Variants in PPP1R14C observed in about 807,000 individuals in gnomAD.
PPP1R14C encodes the protein protein phosphatase 1 regulatory inhibitor subunit 14C.
A neutral mutation model predicts 20.4 loss-of-function variants in PPP1R14C; 16 were observed. The observed-to-expected ratio is 0.78, with a 90% CI of 0.53 to 1.19. The LOEUF is 1.19. Among genes scored for constraint, PPP1R14C ranks in the 50% most tolerant of loss-of-function variants. The probability of loss-of-function intolerance (pLI) is 0.00; values close to 1 mark genes in which losing one functional copy is unlikely to be tolerated. For missense variants in PPP1R14C, 211 were observed against 220.1 expected (o/e 0.96, Z 0.26); for synonymous variants, 91 against 91.0 (o/e 1.00, Z 0.00).
intron 1 of PPP1R14C, among the ~76,000 whole-genome samples, chr6:150,198,160 G>A (rs1203181259): frequency 1.4e-5 from 2 of 146,068 alleles, no homozygotes; most frequent in South Asian, 4.4e-4. Context: ...TGCCCTTCAC[G>A]GTGGAGGAGG....
At chr6:150,204,336 A>G (rs1228719319) in intron 1 of PPP1R14C, among the ~76,000 whole-genome samples, 3 of 152,134 alleles carry the variant, frequency 2.0e-5, no homozygotes, top group African/African-American at 7.2e-5. Flanking sequence ...GCAAAGTGTG[A>G]TTGTCTCCAG....
intron 1 of PPP1R14C, among the ~76,000 whole-genome samples, chr6:150,172,143 T>C (rs912564): frequency 0.25 from 37,962 of 152,130 alleles, 5,042 homozygotes; most frequent in South Asian, 0.36. Context: ...AGAATTTATG[T>C]TATGTATTCA....
At chr6:150,168,566 A>AAAACAAAACAAAACAAAAC (rs1562260108) in intron 1 of PPP1R14C, among the ~76,000 whole-genome samples, 8 of 69,168 alleles carry the variant, frequency 1.2e-4, no homozygotes, top group African/African-American at 3.1e-4. Context: ...CAAAACAAAA[A>AAAACAAAACAAAACAAAAC]AACCCTTGAT....
At chr6:150,248,399 G>T (rs1191068557) in intron 3 of PPP1R14C, among the ~76,000 whole-genome samples, 1 of 152,138 alleles carries the variant, frequency 6.6e-6, no homozygotes, top group Non-Finnish European at 1.5e-5. Context: ...ACCTGGACAG[G>T]CTCACTCAGA....
chr6:150,214,908 T>A (rs1778071754), intron 2 of PPP1R14C, 81 bp downstream of exon 2: 1 of 984,572 alleles, frequency 1.0e-6, no homozygotes, highest in African/African-American at 1.6e-5. Context: ...TGGCATCAAC[T>A]GATTCCGCCC....
chr6:150,204,404 T>G (rs2281436), intron 1 of PPP1R14C, among the ~76,000 whole-genome samples: 1 of 152,060 alleles, frequency 6.6e-6, no homozygotes, highest in Non-Finnish European at 1.5e-5. Flanking sequence ...TCTCTTTGAA[T>G]GCTGTGGTTT....
chr6:150,214,495 C>G (rs1162793859), intron 1 of PPP1R14C, among the ~76,000 whole-genome samples: 1 of 151,656 alleles, frequency 6.6e-6, no homozygotes, highest in Non-Finnish European at 1.5e-5. Context: ...CATTTCCCTT[C>G]TTCATCTGTC....
At chr6:150,198,106 C>T (rs374611491) in intron 1 of PPP1R14C, among the ~76,000 whole-genome samples, 44 of 117,216 alleles carry the variant, frequency 3.8e-4, no homozygotes, top group Admixed American at 1.1e-3. Context: ...TGCCCCTGCC[C>T]GTCACGGTGG....
intron 3 of PPP1R14C, among the ~76,000 whole-genome samples, chr6:150,223,391 A>T (rs1354235358): frequency 1.3e-5 from 2 of 152,328 alleles, no homozygotes; most frequent in South Asian, 4.1e-4. Context: ...GTATTGTAAG[A>T]AAAGTGTGTT....
intron 1 of PPP1R14C, among the ~76,000 whole-genome samples, chr6:150,213,158 T>TC (rs1778048083): frequency 6.6e-6 from 1 of 152,174 alleles, no homozygotes; most frequent in Non-Finnish European, 1.5e-5. Flanking sequence ...AGTGGATTTT[T>TC]CCCCTTAAGA....
chr6:150,223,396 T>C (rs1231269633), intron 3 of PPP1R14C, among the ~76,000 whole-genome samples: 1 of 152,120 alleles, frequency 6.6e-6, no homozygotes, highest in African/African-American at 2.4e-5. Flanking sequence ...GTAAGAAAAG[T>C]GTGTTTAGGT....
rs1285957437 is a variant in PPP1R14C at position 150,143,044 on chromosome 6, A to C, written c.-149A>C. ...TCGCCGCGGCTCCTCCCGCCCTCCC[A>C]GAGCAGCCGGGCGGCTGGGCGCGCG... is the stretch of plus-strand genomic sequence containing the variant. On this transcript the variant is annotated 5_prime_UTR_variant, in exon 1 of 4. Transcript: ENST00000361131. The surrounding 1 kb of genome is among the most constrained non-coding windows in gnomAD (Gnocchi z 5.6). 1.4e-5 allele frequency: 15 copies of C among 1,064,792 alleles called. No individual in the cohort carries two copies. The highest frequency in any genetic ancestry group is 1.1e-4 in the Admixed American group (2 of 18,764). The allele number at this position is 1,064,792 out of a possible 1,614,324, so 66.0% of individuals were successfully genotyped here.
chr6:150,202,498 G>C (rs748362647), intron 1 of PPP1R14C, among the ~76,000 whole-genome samples: 1 of 152,232 alleles, frequency 6.6e-6, no homozygotes, highest in Non-Finnish European at 1.5e-5. Context: ...CCCGTGTCTT[G>C]TCAGCAGCAA....
chr6:150,217,193 G>GTTTTT (rs201443446), intron 3 of PPP1R14C, among the ~76,000 whole-genome samples: 6 of 148,746 alleles, frequency 4.0e-5, no homozygotes, highest in Admixed American at 1.3e-4. Flanking sequence ...TTATTGGTAT[G>GTTTTT]TATTTTTTTT....
chr6:150,196,451 G>A (rs1777805521), intron 1 of PPP1R14C, among the ~76,000 whole-genome samples: 1 of 147,100 alleles, frequency 6.8e-6, no homozygotes, highest in Admixed American at 7.0e-5. Flanking sequence ...CTCTTCTAAG[G>A]ACTTTTTTTT....
At chr6:150,241,578 C>T (rs1778431146) in intron 3 of PPP1R14C, among the ~76,000 whole-genome samples, 1 of 152,032 alleles carries the variant, frequency 6.6e-6, no homozygotes, top group African/African-American at 2.4e-5. Flanking sequence ...ACTCTAACGC[C>T]AGCTCCAGGT....
intron 3 of PPP1R14C, among the ~76,000 whole-genome samples, chr6:150,240,428 G>A (rs1340923892): frequency 6.6e-6 from 1 of 152,238 alleles, no homozygotes; most frequent in Non-Finnish European, 1.5e-5. Context: ...CTGGGAGTGG[G>A]CTGGAGCAAG....
At chr6:150,224,330 C>A (rs556406862) in intron 3 of PPP1R14C, among the ~76,000 whole-genome samples, 1 of 152,170 alleles carries the variant, frequency 6.6e-6, no homozygotes, top group South Asian at 2.1e-4. Context: ...TGTTCTGGGT[C>A]TTTTGTCTTT....
At chr6:150,206,513 C>T (rs542130805) in intron 1 of PPP1R14C, among the ~76,000 whole-genome samples, 3 of 152,278 alleles carry the variant, frequency 2.0e-5, no homozygotes, top group Middle Eastern at 6.8e-3. Flanking sequence ...TGTGCATCTT[C>T]ATGTGTGAGC....
Sources: gnomAD v4.1 joint callset for allele counts (sites outside exome capture counted in the v4.1 genomes callset) on GRCh38, gnomAD v4.1.1 for gene constraint, Gnocchi (gnomAD v3.1) non-coding constraint, MANE v1.5 for transcripts, NCBI Gene and HGNC (gene_info 2026-07-23, HGNC 2026-07-21) for gene names.